The following COL13A1 variants were observed in gnomAD, a reference collection of about 807,000 sequenced individuals.
COL13A1 encodes collagen alpha-1(XIII) chain.
A neutral mutation model predicts 130.9 loss-of-function variants in COL13A1; 89 were observed. That is an observed-to-expected ratio of 0.68 (90% CI 0.57 to 0.81). The LOEUF (loss-of-function observed/expected upper bound fraction) is 0.81. Ranked by LOEUF, COL13A1 falls within the 30% of genes least tolerant of loss-of-function variation. The probability of loss-of-function intolerance (pLI) is 0.00; values close to 1 mark genes in which losing one functional copy is unlikely to be tolerated. For synonymous variants in COL13A1, 402 were observed against 341.6 expected, an observed-to-expected ratio of 1.18 and a Z score of -1.95; for missense variants, 879 against 934.6, an observed-to-expected ratio of 0.94 and a Z score of 0.78.
At chr10:69,856,629 G>A (rs1399658374) in intron 2 of COL13A1, among the ~76,000 whole-genome samples, 1 of 152,206 alleles carries the variant, frequency 6.6e-6, no homozygotes, top group African/African-American at 2.4e-5. Flanking sequence ...AGCCAGCTGC[G>A]TGAAGGAGAG....
chr10:69,810,347 T>TGAGAGAGAGAGAGAGA (rs55816117), intron 1 of COL13A1, among the ~76,000 whole-genome samples: 18 of 119,790 alleles, frequency 1.5e-4, no homozygotes, highest in East Asian at 5.1e-4. Flanking sequence ...GCCCTGAGAA[T>TGAGAGAGAGAGAGAGA]GAGAGAGAGA....
intron 19 of COL13A1, among the ~76,000 whole-genome samples, chr10:69,918,830 C>T (rs924072870): frequency 6.6e-6 from 1 of 152,208 alleles, no homozygotes; most frequent in Non-Finnish European, 1.5e-5. Context: ...CACTTATGCT[C>T]CCACCTGCCA....
At chr10:69,844,253 G>C (rs985407129) in intron 2 of COL13A1, among the ~76,000 whole-genome samples, 3 of 152,226 alleles carry the variant, frequency 2.0e-5, no homozygotes, top group African/African-American at 4.8e-5. Context: ...TGGCTGTCCA[G>C]GGAGGATGGG....
rs974959837 is a variant in COL13A1 at position 69,921,852 on chromosome 10, A to G, written c.1090-30A>G. ...CAAACCTGCTGCAGAAACAGTTCCT[A>G]ACCCCCACACTGTCTGCATCTCCCT... is the stretch of plus-strand genomic sequence containing the variant. On this transcript the variant is annotated intron_variant, in intron 21 of 40. Transcript: ENST00000645393. 7 of 1,593,494 alleles carry G rather than the reference A, an allele frequency of 4.4e-6. No homozygotes were observed. The African/African-American group carries it at 8.1e-5, about 18-fold the overall frequency.
At chr10:69,852,673 C>T (rs1203856727) in intron 2 of COL13A1, among the ~76,000 whole-genome samples, 1 of 152,234 alleles carries the variant, frequency 6.6e-6, no homozygotes, top group Non-Finnish European at 1.5e-5. Context: ...CCCACGGAAC[C>T]CCTGGTTGGG....
chr10:69,925,759 C>T (rs1208865515), intron 25 of COL13A1, 45 bp from the exon 26 acceptor site: 3 of 1,491,260 alleles, frequency 2.0e-6, no homozygotes, highest in African/African-American at 2.8e-5. Context: ...GCCCTCCCGG[C>T]CCTCCCGGTC....
chr10:69,943,388 G>A (rs1349316670), intron 35 of COL13A1, among the ~76,000 whole-genome samples: 1 of 152,226 alleles, frequency 6.6e-6, no homozygotes, highest in East Asian at 1.9e-4. Flanking sequence ...GGTCTGGCCA[G>A]GCTGTGAACT....
rs535144132 is a variant in COL13A1 at position 69,806,333 on chromosome 10, T to C, written c.294+3616T>C. Reference sequence around the variant, plus strand: ...AGCAGGTGAGGGGGCAGAGACTGCGTGTATGAGGCAGAAGGGAGAGGGAGC... The same window carrying C: ...AGCAGGTGAGGGGGCAGAGACTGCGCGTATGAGGCAGAAGGGAGAGGGAGC... On this transcript the variant is annotated intron_variant, in intron 1 of 40. Coordinates refer to ENST00000645393, the MANE Select transcript of COL13A1 (RefSeq NM_001368882.1). Among the ~76,000 whole-genome samples, 7 of 152,096 alleles carry C rather than the reference T, an allele frequency of 4.6e-5. No individual in the cohort carries two copies. In the East Asian group the frequency reaches 1.4e-3, roughly 30 times the overall value.
At chr10:69,937,777 T>G (rs2136010777) in intron 34 of COL13A1, 62 bp downstream of exon 34, 2 of 761,588 alleles carry the variant, frequency 2.6e-6, no homozygotes, top group Non-Finnish European at 2.4e-6. Flanking sequence ...GGGCTGGGAC[T>G]GGGGGACAGC....
chr10:69,896,096 A>G (rs1371755619), intron 13 of COL13A1, among the ~76,000 whole-genome samples: 2 of 152,160 alleles, frequency 1.3e-5, no homozygotes, highest in Non-Finnish European at 2.9e-5. Flanking sequence ...GATGGGAGAT[A>G]ATCGGGGACT....
chr10:69,837,325 C>T lies in COL13A1; in HGVS notation c.364+14887C>T, dbSNP rs550814701. Among the ~76,000 whole-genome samples the T allele has an allele frequency of 5.3e-5, 8 of 152,318 alleles. No homozygotes were observed. The Middle Eastern group carries it at 0.014, about 259-fold the overall frequency. ...AGTTCCAAATGCTTGACCACATCAG[C>T]TCCAGCTGTATCATTCTTTGCTCAT... On this transcript the variant is annotated intron_variant, in intron 2 of 40. Transcript: ENST00000645393.
intron 2 of COL13A1, among the ~76,000 whole-genome samples, chr10:69,858,513 C>T (rs1464803308): frequency 1.3e-5 from 2 of 152,188 alleles, no homozygotes; most frequent in African/African-American, 2.4e-5. Flanking sequence ...CTGGGCAGTT[C>T]CCCATTCCTT....
At chr10:69,807,308 A>T (rs1297381113) in intron 1 of COL13A1, among the ~76,000 whole-genome samples, 2 of 152,118 alleles carry the variant, frequency 1.3e-5, no homozygotes, top group Non-Finnish European at 2.9e-5. Flanking sequence ...CCTCCCTCCC[A>T]CTATCTGTGA....
At chr10:69,954,184 G>C (rs1010336036) in intron 39 of COL13A1, among the ~76,000 whole-genome samples, 10 of 152,110 alleles carry the variant, frequency 6.6e-5, no homozygotes, top group Non-Finnish European at 1.5e-4. Flanking sequence ...GGGTCACCCC[G>C]CCTAGGCTAG....
At chr10:69,861,044 G>A (rs556366164) in intron 2 of COL13A1, among the ~76,000 whole-genome samples, 5 of 152,166 alleles carry the variant, frequency 3.3e-5, no homozygotes, top group Admixed American at 6.5e-5. Context: ...TGCTACTTAG[G>A]CACACCCTCC....
chr10:69,874,790 T>G (rs2059418837), intron 4 of COL13A1, among the ~76,000 whole-genome samples: 1 of 152,154 alleles, frequency 6.6e-6, no homozygotes, highest in Admixed American at 6.5e-5. Context: ...TGGCCATGGC[T>G]GGAATTGATG....
At chr10:69,820,968 C>T (rs1222692786) in intron 1 of COL13A1, among the ~76,000 whole-genome samples, 2 of 152,218 alleles carry the variant, frequency 1.3e-5, no homozygotes, top group Non-Finnish European at 2.9e-5. Flanking sequence ...CGATACCACC[C>T]TTATGACACC....
intron 2 of COL13A1, among the ~76,000 whole-genome samples, chr10:69,844,223 G>A (rs1404902158): frequency 6.6e-6 from 1 of 152,222 alleles, no homozygotes; most frequent in Non-Finnish European, 1.5e-5. Flanking sequence ...ATCTGTGCTT[G>A]AATGATGGCC....
chr10:69,850,364 C>T (rs942949824), intron 2 of COL13A1, among the ~76,000 whole-genome samples: 2 of 86,030 alleles, frequency 2.3e-5, no homozygotes, highest in African/African-American at 7.4e-5. Context: ...CTTTCAAAGC[C>T]TCGGCCCTGT....
Sources: allele counts gnomAD v4.1 joint callset (sites outside exome capture counted in the v4.1 genomes callset), GRCh38; gene constraint gnomAD v4.1.1; transcripts MANE v1.5; gene names NCBI Gene and HGNC (gene_info 2026-07-23, HGNC 2026-07-21).